ZFYVE28: variants seen among roughly 807,000 people sequenced by gnomAD.
ZFYVE28 encodes zinc finger FYVE-type containing 28, also known as lateral signaling target protein 2 homolog.
ZFYVE28 carries 40 observed loss-of-function variants against 82.1 expected under a neutral mutation model. The observed-to-expected ratio is 0.49, with a 90% CI of 0.38 to 0.63. ZFYVE28 has a LOEUF of 0.63. Ranked by LOEUF, ZFYVE28 falls within the 30% of genes least tolerant of loss-of-function variation. The probability of loss-of-function intolerance (pLI) is 0.00; values close to 1 mark genes in which losing one functional copy is unlikely to be tolerated. For synonymous variants in ZFYVE28, 612 were observed against 546.1 expected, an observed-to-expected ratio of 1.12 and a Z score of -1.68; for missense variants, 1,321 against 1,242.1, an observed-to-expected ratio of 1.06 and a Z score of -0.96.
chr4:2,336,846 GAGGAGTGAGAAGGTGAGGA>G (rs1721838188), intron 5 of ZFYVE28, among the ~76,000 whole-genome samples: 1 of 147,720 alleles, frequency 6.8e-6, no homozygotes. Context: ...GTGAGGAGGT[GAGGAGTGAGAAGGTGAGGA>G]GGGAGGAGGT....
chr4:2,364,604 T>C (rs969050078), intron 1 of ZFYVE28: 2 of 985,306 alleles, frequency 2.0e-6, no homozygotes, highest in African/African-American at 3.5e-5. Context: ...GGGCTCCAGG[T>C]TCTTGGCCGC....
chr4:2,278,810 A>T (rs1293969586), intron 8 of ZFYVE28, among the ~76,000 whole-genome samples: 1 of 152,152 alleles, frequency 6.6e-6, no homozygotes, highest in East Asian at 1.9e-4. Context: ...CATTTTTCCA[A>T]AGAAGATATA....
At chr4:2,284,691 C>G (rs550566427) in intron 8 of ZFYVE28, among the ~76,000 whole-genome samples, 1 of 152,130 alleles carries the variant, frequency 6.6e-6, no homozygotes, top group Non-Finnish European at 1.5e-5. Context: ...CAAAGACCTC[C>G]GGGGGGCTGA....
At chr4:2,285,149 G>T (rs1387838791) in intron 8 of ZFYVE28, among the ~76,000 whole-genome samples, 1 of 149,706 alleles carries the variant, frequency 6.7e-6, no homozygotes, top group Non-Finnish European at 1.5e-5. Flanking sequence ...GTGGACTGAA[G>T]GCAGGGACTG....
chr4:2,364,999 T>C (rs1726692699), intron 1 of ZFYVE28: 3 of 677,672 alleles, frequency 4.4e-6, no homozygotes, highest in Non-Finnish European at 5.5e-6. Flanking sequence ...GGTCACTCCC[T>C]AGGCGTCAGG....
At chr4:2,298,423 G>T (rs368595606) in intron 8 of ZFYVE28, among the ~76,000 whole-genome samples, 1 of 152,176 alleles carries the variant, frequency 6.6e-6, no homozygotes, top group African/African-American at 2.4e-5. Flanking sequence ...TCACATCTGC[G>T]TATGGAGCAG....
chr4:2,384,907 C>T (rs1173310560), intron 1 of ZFYVE28, among the ~76,000 whole-genome samples: 1 of 152,174 alleles, frequency 6.6e-6, no homozygotes, highest in African/African-American at 2.4e-5. Context: ...GGCTCAGGTC[C>T]TAGACTTGGG....
At position 2,271,296 on chromosome 4, in the gene ZFYVE28, A is replaced by T. The variant is rs767362871; in HGVS notation, c.2532+15T>A. ...TGGATGCTGAGGGACCCTCCGTGCA[A>T]GGGGTCTCACCCACCTTCCCACAGC... On this transcript the variant is annotated intron_variant, in intron 12 of 12. Coordinates refer to ENST00000290974, the MANE Select transcript of ZFYVE28 (RefSeq NM_020972.3). The T allele has an allele frequency of 1.9e-5, 30 of 1,611,198 alleles. No individual in the cohort carries two copies. The highest frequency in any genetic ancestry group is 2.5e-5 in the Non-Finnish European group (30 of 1,179,032).
At chr4:2,315,349 G>C (rs1718051764) in intron 7 of ZFYVE28, among the ~76,000 whole-genome samples, 1 of 152,138 alleles carries the variant, frequency 6.6e-6, no homozygotes, top group Admixed American at 6.5e-5. Flanking sequence ...GCGGTGGCGT[G>C]ATCTCTGCTC....
At chr4:2,340,071 C>G (rs901005950) in intron 3 of ZFYVE28, among the ~76,000 whole-genome samples, 21 of 152,290 alleles carry the variant, frequency 1.4e-4, no homozygotes, top group African/African-American at 5.1e-4. Context: ...GAGCTTGGAG[C>G]TTCCAGGCTC....
chr4:2,283,358 T>C (rs1712224014), intron 8 of ZFYVE28, among the ~76,000 whole-genome samples: 1 of 129,854 alleles, frequency 7.7e-6, no homozygotes, highest in African/African-American at 2.9e-5. Flanking sequence ...CATCCATCCA[T>C]CCATCCATCC....
chr4:2,284,139 C>T (rs1333718069), intron 8 of ZFYVE28, among the ~76,000 whole-genome samples: 2 of 152,218 alleles, frequency 1.3e-5, no homozygotes, highest in South Asian at 2.1e-4. Flanking sequence ...AGCTCAGGCT[C>T]GCTGTGGAGC....
chr4:2,310,040 C>CT (rs561831393), intron 7 of ZFYVE28, among the ~76,000 whole-genome samples: 13 of 149,090 alleles, frequency 8.7e-5, no homozygotes, highest in Middle Eastern at 3.5e-3. Context: ...GAATACATTT[C>CT]TTTTTTTTTT....
At chr4:2,398,266 C>A (rs1730704703) in intron 1 of ZFYVE28, among the ~76,000 whole-genome samples, 1 of 152,150 alleles carries the variant, frequency 6.6e-6, no homozygotes. Context: ...CATTGGTGAC[C>A]CGATGGGTGG....
rs150019774 is a variant in ZFYVE28 at position 2,279,385 on chromosome 4, C to T, written c.2052-5169G>A. ...GGCAGAGGTTGCAGTGAGCCAAGAT[C>T]GTGCCATTGCACTCTAGCCTGAAGA... On this transcript the variant is annotated intron_variant, in intron 8 of 12. Transcript: ENST00000290974. Among the ~76,000 whole-genome samples, 558 of 152,214 alleles carry T rather than the reference C, an allele frequency of 3.7e-3. 3 individuals carry two copies. The highest frequency in any genetic ancestry group is 0.013 in the African/African-American group (542 of 41,528).
At chr4:2,322,911 C>T (rs1287055768) in intron 6 of ZFYVE28, among the ~76,000 whole-genome samples, 4 of 152,166 alleles carry the variant, frequency 2.6e-5, no homozygotes, top group Non-Finnish European at 5.9e-5. Context: ...TGGCACGTGG[C>T]GAATGTTCCC....
intron 1 of ZFYVE28, among the ~76,000 whole-genome samples, chr4:2,392,417 G>A (rs1312416465): frequency 6.6e-6 from 1 of 152,116 alleles, no homozygotes; most frequent in Non-Finnish European, 1.5e-5. Flanking sequence ...CTACAAATGG[G>A]ACAAAAAGTA....
intron 2 of ZFYVE28, among the ~76,000 whole-genome samples, chr4:2,350,778 A>C (rs1724309892): frequency 6.6e-6 from 1 of 152,188 alleles, no homozygotes; most frequent in African/African-American, 2.4e-5. Flanking sequence ...GAAGCTTCCA[A>C]AAACACCCAA....
rs920684762 is a variant in ZFYVE28, at chr4:2,372,887, C to T, written c.40-18814G>A. ...AGTCCCTACCCAGGGGCCCTCCTAGCACCCCCAGCCTCTCTGCCAGCCAAC... is the reference window on the plus strand; with the variant it reads ...AGTCCCTACCCAGGGGCCCTCCTAGTACCCCCAGCCTCTCTGCCAGCCAAC... On this transcript the variant is annotated intron_variant, in intron 1 of 12. Coordinates refer to ENST00000290974, the MANE Select transcript of ZFYVE28 (RefSeq NM_020972.3). The surrounding 1 kb of genome is among the most constrained non-coding windows in gnomAD (Gnocchi z 5.2). Among the ~76,000 whole-genome samples the T allele has an allele frequency of 6.6e-6, 1 of 152,140 alleles. No individual in the cohort carries two copies. The highest frequency in any genetic ancestry group is 2.1e-4 in the South Asian group (1 of 4,832).
Sources: gnomAD v4.1 joint callset for allele counts (sites outside exome capture counted in the v4.1 genomes callset) on GRCh38, gnomAD v4.1.1 for gene constraint, Gnocchi (gnomAD v3.1) non-coding constraint, MANE v1.5 for transcripts, NCBI Gene and HGNC (gene_info 2026-07-23, HGNC 2026-07-21) for gene names.